The following XIRP2 variants were observed in gnomAD, a reference collection of about 807,000 sequenced individuals.
XIRP2 encodes the protein xin actin binding repeat containing 2, also known as xin actin-binding repeat-containing protein 2.
A neutral mutation model predicts 277.0 loss-of-function variants in XIRP2; 236 were observed. That is an observed-to-expected ratio of 0.85 (90% CI 0.77 to 0.95). The LOEUF is 0.95. Among genes scored for constraint, XIRP2 ranks in the 40% least tolerant of loss-of-function variants. The probability of loss-of-function intolerance (pLI) is 0.00; values close to 1 mark genes in which losing one functional copy is unlikely to be tolerated. For synonymous variants in XIRP2, 1,490 were observed against 1,416.5 expected (o/e 1.05, Z -1.17); for missense variants, 4,640 against 4,157.5 (o/e 1.12, Z -3.19).
intron 2 of XIRP2, among the ~76,000 whole-genome samples, chr2:167,028,172 A>G (rs1475800072): frequency 1.3e-5 from 2 of 152,100 alleles, no homozygotes; most frequent in South Asian, 2.1e-4. Flanking sequence ...GAAAATATTT[A>G]CTCTAAGCCA....
intron 3 of XIRP2, among the ~76,000 whole-genome samples, chr2:167,198,290 AG>A (rs2105373937): frequency 6.6e-6 from 1 of 152,332 alleles, no homozygotes; most frequent in East Asian, 1.9e-4. Context: ...CTGGTTACAG[AG>A]GAGAGTAACC....
intron 2 of XIRP2, among the ~76,000 whole-genome samples, chr2:167,113,237 G>T (rs1690810898): frequency 1.3e-5 from 2 of 152,118 alleles, no homozygotes; most frequent in African/African-American, 4.8e-5. Context: ...GTCCAATATT[G>T]TCAGTGGCGT....
At chr2:167,235,051 C>T (rs1035248337) in intron 5 of XIRP2, among the ~76,000 whole-genome samples, 2 of 151,774 alleles carry the variant, frequency 1.3e-5, no homozygotes, top group African/African-American at 4.8e-5. Context: ...TATGTGTTTG[C>T]TCTCTTTGTA....
chr2:166,998,956 A>G lies in XIRP2; in HGVS notation c.408+95066A>G, dbSNP rs533654503. Among the ~76,000 whole-genome samples the G allele has an allele frequency of 2.5e-3, 383 of 152,304 alleles. 1 individual carries two copies. The highest frequency in any genetic ancestry group is 8.6e-3 in the African/African-American group (359 of 41,572). ...TCTTTAACAACTGAAAACTTAAAAT[A>G]TTAAGGTAATTAAATCCTAGAAAAT... is the stretch of plus-strand genomic sequence containing the variant. On this transcript the variant is annotated intron_variant, in intron 2 of 10. Coordinates refer to ENST00000409195, the MANE Select transcript of XIRP2 (RefSeq NM_152381.6).
chr2:166,951,214 CA>C lies in XIRP2; in HGVS notation c.408+47325del, dbSNP rs895223462. Among the ~76,000 whole-genome samples, 29 of 152,142 alleles carry C rather than the reference CA, an allele frequency of 1.9e-4. 3 individuals are homozygous for C. Among genetic ancestry groups the C allele is most frequent in the Admixed American group, 1.6e-3 (25 of 15,258 alleles). ...TTGTATATACGTTAGGCCATTCTTG[CA>C]CTGCTATAAATAAATAACTTGACTG... On this transcript the variant is annotated intron_variant, in intron 2 of 10. Transcript: ENST00000409195.
chr2:166,897,151 C>T (rs1684266420), intron 1 of XIRP2, among the ~76,000 whole-genome samples: 1 of 152,170 alleles, frequency 6.6e-6, no homozygotes, highest in South Asian at 2.1e-4. Context: ...TTCTGAAAGA[C>T]TTTTCAAAGC....
chr2:167,096,857 G>C (rs186330806), intron 2 of XIRP2, among the ~76,000 whole-genome samples: 1 of 152,110 alleles, frequency 6.6e-6, no homozygotes, highest in Non-Finnish European at 1.5e-5. Context: ...GTGTGGTTTT[G>C]AGTGAGTTTC....
chr2:167,088,553 T>C (rs558783491), intron 2 of XIRP2, among the ~76,000 whole-genome samples: 1 of 152,260 alleles, frequency 6.6e-6, no homozygotes, highest in Non-Finnish European at 1.5e-5. Flanking sequence ...ATTTGAAACC[T>C]CAGTACACTT....
At chr2:167,126,190 C>G (rs1480692705) in intron 2 of XIRP2, among the ~76,000 whole-genome samples, 2 of 133,748 alleles carry the variant, frequency 1.5e-5, no homozygotes, top group Non-Finnish European at 3.0e-5. Flanking sequence ...CTCTCTCTCT[C>G]TCTCTCTCAC....
In XIRP2 at chr2:166,892,904, ATATT is replaced by A. The variant is rs1280840302; in HGVS notation, c.-19+4351_-19+4354del. Among the ~76,000 whole-genome samples, 28 of 148,554 alleles carry A rather than the reference ATATT, an allele frequency of 1.9e-4. 1 individual carries two copies. The South Asian group carries it at 4.0e-3, about 21-fold the overall frequency. Reference sequence around the variant, plus strand: ...TATATGTATATATGTGTATATATGTATATTTATGTGTATATATGTATATATGTGT... The same window carrying A: ...TATATGTATATATGTGTATATATGTATATGTGTATATATGTATATATGTGT... On this transcript the variant is annotated intron_variant, in intron 1 of 10. Coordinates refer to ENST00000409195, the MANE Select transcript of XIRP2 (RefSeq NM_152381.6).
In XIRP2 at chr2:167,239,845, G is replaced by A; in HGVS notation, c.859-10G>A. 6.3e-7 allele frequency: 1 copy of A among 1,596,774 alleles called. No homozygotes were observed. Among genetic ancestry groups the A allele is most frequent in the Non-Finnish European group, 8.5e-7 (1 of 1,173,880 alleles). Reference sequence around the variant, plus strand: ...CTTAAGGCATTGTCTGTCTGTCTGTGTGCTTTCAGGAGGCAATTCATAGCA... The same window carrying A: ...CTTAAGGCATTGTCTGTCTGTCTGTATGCTTTCAGGAGGCAATTCATAGCA... On this transcript the variant is annotated splice_polypyrimidine_tract_variant and intron_variant, in intron 5 of 10. Coordinates refer to ENST00000409195, the MANE Select transcript of XIRP2 (RefSeq NM_152381.6).
At chr2:167,252,927 C>A (rs1267390127) in intron 9 of XIRP2, among the ~76,000 whole-genome samples, 1 of 151,802 alleles carries the variant, frequency 6.6e-6, no homozygotes, top group African/African-American at 2.4e-5. Flanking sequence ...TTAAGCAAAG[C>A]TGTCTAATTA....
chr2:167,244,638 A>C lies in XIRP2; in HGVS notation c.3246A>C (p.Gln1082His). Reference protein sequence around the residue: ...DVEETESKTEQTRDIVKGDVK... With the variant: ...DVEETESKTEHTRDIVKGDVK... ...AAGAAACAGAAAGTAAAACTGAACA[A>C]ACTAGAGATATTGTTAAAGGGGATG... Residue 1082 changes from glutamine to histidine, a missense_variant, in exon 9 of 11, where the codon CAA (glutamine) becomes CAC (histidine). Coordinates refer to ENST00000409195, the MANE Select transcript of XIRP2 (RefSeq NM_152381.6). The C allele has an allele frequency of 6.2e-7, 1 of 1,613,404 alleles. No individual in the cohort carries two copies. The highest frequency in any genetic ancestry group is 1.1e-5 in the South Asian group (1 of 91,000).
At chr2:167,164,844 G>A (rs1692475001) in intron 3 of XIRP2, among the ~76,000 whole-genome samples, 1 of 152,010 alleles carries the variant, frequency 6.6e-6, no homozygotes, top group African/African-American at 2.4e-5. Context: ...CACCATAGTG[G>A]TACATTTGTT....
chr2:167,198,856 C>T (rs1488864317), intron 3 of XIRP2, among the ~76,000 whole-genome samples: 1 of 152,114 alleles, frequency 6.6e-6, no homozygotes, highest in African/African-American at 2.4e-5. Flanking sequence ...TTGATCAATT[C>T]TATCAGTCAT....
At chr2:166,915,102 C>A (rs1684824970) in intron 2 of XIRP2, among the ~76,000 whole-genome samples, 1 of 151,440 alleles carries the variant, frequency 6.6e-6, no homozygotes, top group South Asian at 2.1e-4. Flanking sequence ...TCGAGACCAT[C>A]CTGGCTAACA....
At chr2:167,034,713 G>A (rs569337778) in intron 2 of XIRP2, among the ~76,000 whole-genome samples, 1 of 152,258 alleles carries the variant, frequency 6.6e-6, no homozygotes, top group East Asian at 1.9e-4. Context: ...TACTGATAAA[G>A]GAGTCAATTC....
intron 4 of XIRP2, 144 bp downstream of exon 4, chr2:167,211,039 AC>A: frequency 9.9e-6 from 10 of 1,011,658 alleles, no homozygotes; most frequent in Non-Finnish European, 1.3e-5. Context: ...ATAAATCCAG[AC>A]TATCTGAATT....
At chr2:167,110,562 C>T (rs951978038) in intron 2 of XIRP2, among the ~76,000 whole-genome samples, 15 of 152,050 alleles carry the variant, frequency 9.9e-5, no homozygotes, top group African/African-American at 3.4e-4. Context: ...AGCATGCTGC[C>T]TTGGTTACAG....
Sources: gnomAD v4.1 joint callset for allele counts (sites outside exome capture counted in the v4.1 genomes callset) on GRCh38, gnomAD v4.1.1 for gene constraint, MANE v1.5 for transcripts, NCBI Gene and HGNC (gene_info 2026-07-23, HGNC 2026-07-21) for gene names.